Variants in ROBO2 observed in about 807,000 individuals in gnomAD.
ROBO2 encodes roundabout guidance receptor 2.
A neutral mutation model predicts 160.8 loss-of-function variants in ROBO2; 53 were observed. The observed-to-expected ratio is 0.33, with a 90% CI of 0.26 to 0.41. ROBO2 has a LOEUF of 0.41. Among genes scored for constraint, ROBO2 ranks in the 10% least tolerant of loss-of-function variants. The pLI, the probability that ROBO2 is intolerant of heterozygous loss-of-function variation, is 1.00. For synonymous variants in ROBO2, 664 were observed against 611.7 expected (o/e 1.09, Z -1.26); for missense variants, 1,577 against 1,722.4 (o/e 0.92, Z 1.49).
intron 2 of ROBO2, among the ~76,000 whole-genome samples, chr3:76,302,671 C>T: frequency 6.6e-6 from 1 of 151,978 alleles, no homozygotes; most frequent in South Asian, 2.1e-4. Flanking sequence ...GTATCTAGTC[C>T]ACTAACTGGT....
chr3:76,882,534 GA>G, intron 2 of ROBO2, among the ~76,000 whole-genome samples: 1 of 150,900 alleles, frequency 6.6e-6, no homozygotes, highest in South Asian at 2.1e-4. Flanking sequence ...TTTTTCAAGT[GA>G]AAACAGCATT....
chr3:77,586,200 A>G (rs1440085373), intron 16 of ROBO2, among the ~76,000 whole-genome samples: 1 of 152,178 alleles, frequency 6.6e-6, no homozygotes, highest in African/African-American at 2.4e-5. Flanking sequence ...GCATTTACAG[A>G]CACAAAAATG....
chr3:76,029,102 A>G (rs969360147), intron 2 of ROBO2, among the ~76,000 whole-genome samples: 5 of 152,100 alleles, frequency 3.3e-5, no homozygotes, highest in Admixed American at 6.6e-5. Context: ...CAGTTTAGCT[A>G]AAAGTAGGGG....
At chr3:76,610,519 G>T (rs769297941) in intron 2 of ROBO2, among the ~76,000 whole-genome samples, 1 of 152,206 alleles carries the variant, frequency 6.6e-6, no homozygotes, top group Non-Finnish European at 1.5e-5. Flanking sequence ...CCCAAGGGGT[G>T]TTATAACTCT....
intron 2 of ROBO2, among the ~76,000 whole-genome samples, chr3:76,414,661 A>C (rs1435821021): frequency 6.7e-6 from 1 of 149,970 alleles, no homozygotes; most frequent in African/African-American, 2.5e-5. Context: ...GATATACCTA[A>C]TGCTAGATGA....
chr3:76,434,319 A>G, intron 2 of ROBO2: 1 of 1,143,682 alleles, frequency 8.7e-7, no homozygotes, highest in East Asian at 2.3e-5. Context: ...GTTGGCACCC[A>G]TCTCAGAGCA....
rs370368889 is a variant in ROBO2 at position 76,957,781 on chromosome 3, A to G, written c.110-140233A>G. On this transcript the variant is annotated intron_variant, in intron 2 of 26. Coordinates refer to the ROBO2 transcript ENST00000487694. ...AGGAGGCAGAGGTTGCAGTGAGCCA[A>G]GACTGCGCCACTGCACTCCAGCCTG... Among the ~76,000 whole-genome samples, 9 of 151,908 alleles carry G rather than the reference A, an allele frequency of 5.9e-5. No homozygotes were observed. The East Asian group carries it at 1.2e-3, about 20-fold the overall frequency.
At chr3:76,843,396 A>G (rs1458501188) in intron 2 of ROBO2, among the ~76,000 whole-genome samples, 1 of 152,018 alleles carries the variant, frequency 6.6e-6, no homozygotes, top group Non-Finnish European at 1.5e-5. Flanking sequence ...TAAATATTTT[A>G]TGAGTATTAA....
Position 76,840,671 on chromosome 3 carries a change from AT to A in ROBO2, c.110-257342del, listed in dbSNP as rs1209422992. 2.7e-3 allele frequency among the ~76,000 whole-genome samples: 363 copies of A among 135,970 alleles called. 1 individual carries two copies. Among genetic ancestry groups the A allele is most frequent in the Non-Finnish European group, 4.2e-3 (271 of 64,092 alleles). 89.2% of individuals were successfully genotyped at this position (135,970 alleles called of 152,430 possible). The stretch of plus-strand genomic sequence containing the variant: ...TATATATATATATATATATATATAT[AT>A]ATAAGATGAAGTAAGAATATGTTAT... On this transcript the variant is annotated intron_variant, in intron 2 of 26. Coordinates refer to the ROBO2 transcript ENST00000487694.
At chr3:76,796,185 C>A (rs1475887786) in intron 2 of ROBO2, among the ~76,000 whole-genome samples, 2 of 152,030 alleles carry the variant, frequency 1.3e-5, no homozygotes, top group Non-Finnish European at 2.9e-5. Context: ...ACAAGAGAGT[C>A]AACCTGTCCA....
chr3:77,290,793 G>A (rs2061114473), intron 2 of ROBO2, among the ~76,000 whole-genome samples: 1 of 99,416 alleles, frequency 1.0e-5, no homozygotes, highest in Admixed American at 1.1e-4. Flanking sequence ...GGTAAGCTGA[G>A]GCTAGATCAC....
intron 2 of ROBO2, among the ~76,000 whole-genome samples, chr3:77,014,577 T>G (rs2062120883): frequency 6.6e-6 from 1 of 152,198 alleles, no homozygotes; most frequent in Admixed American, 6.5e-5. Context: ...GTCCTCCTGA[T>G]CAGTCTCCTG....
intron 2 of ROBO2, among the ~76,000 whole-genome samples, chr3:76,215,106 C>T (rs1052025402): frequency 2.6e-5 from 4 of 152,220 alleles, no homozygotes; most frequent in Admixed American, 2.6e-4. Context: ...AGGGTCTTGA[C>T]TGTTAGAAGG....
Position 77,412,138 on chromosome 3 carries a change from C to CT in ROBO2, c.389-65276_389-65275insT, listed in dbSNP as rs71104684. 2.0e-5 allele frequency among the ~76,000 whole-genome samples: 3 copies of CT among 152,116 alleles called. No individual in the cohort carries two copies. In the South Asian group the frequency reaches 6.2e-4, roughly 32 times the overall value. Reference sequence around the variant, plus strand: ...AAATACCAGGCGGTTCTAAAAGTACCCCAGGCAGTGCTTGCACGATCATTT... The same window carrying CT: ...AAATACCAGGCGGTTCTAAAAGTACCTCCAGGCAGTGCTTGCACGATCATTT... On this transcript the variant is annotated intron_variant, in intron 2 of 25. Transcript: ENST00000461745.
intron 2 of ROBO2, among the ~76,000 whole-genome samples, chr3:77,240,474 C>A (rs1300952073): frequency 6.6e-6 from 1 of 152,186 alleles, no homozygotes; most frequent in Non-Finnish European, 1.5e-5. Flanking sequence ...TCCCTCCACA[C>A]CTCCCTGCAA....
At chr3:76,276,981 CAT>C (rs1707961625) in intron 2 of ROBO2, among the ~76,000 whole-genome samples, 2 of 151,962 alleles carry the variant, frequency 1.3e-5, no homozygotes, top group Admixed American at 6.6e-5. Flanking sequence ...ACATTATACA[CAT>C]GTCCTGAATT....
chr3:76,269,826 A>T (rs796318823), intron 2 of ROBO2, among the ~76,000 whole-genome samples: 78 of 152,134 alleles, frequency 5.1e-4, no homozygotes, highest in African/African-American at 1.8e-3. Flanking sequence ...AGTCCTTCTT[A>T]TATTTGAAAA....
At chr3:76,173,388 CT>C (rs2107024694) in intron 2 of ROBO2, among the ~76,000 whole-genome samples, 1 of 151,912 alleles carries the variant, frequency 6.6e-6, no homozygotes, top group East Asian at 1.9e-4. Flanking sequence ...ATGTGCTGGA[CT>C]TGCAGTTTTA....
At chr3:76,977,966 T>C (rs1463809218) in intron 2 of ROBO2, among the ~76,000 whole-genome samples, 1 of 152,206 alleles carries the variant, frequency 6.6e-6, no homozygotes, top group Non-Finnish European at 1.5e-5. Context: ...TACAGATTCT[T>C]TGCTGATATT....
Sources: gnomAD v4.1 joint callset for allele counts (sites outside exome capture counted in the v4.1 genomes callset) on GRCh38, gnomAD v4.1.1 for gene constraint, MANE v1.5 for transcripts, NCBI Gene and HGNC (gene_info 2026-07-23, HGNC 2026-07-21) for gene names.